Variants in COL5A3 observed in about 807,000 individuals in gnomAD.
The protein encoded by COL5A3 is collagen alpha-3(V) chain.
COL5A3 carries 172 observed loss-of-function variants against 250.0 expected under a neutral mutation model. The observed-to-expected ratio is 0.69, with a 90% CI of 0.61 to 0.78. The LOEUF is 0.78. Among genes scored for constraint, COL5A3 ranks in the 30% least tolerant of loss-of-function variants. The pLI, the probability that COL5A3 is intolerant of heterozygous loss-of-function variation, is 0.00. For missense variants in COL5A3, 2,340 were observed against 2,334.4 expected (o/e 1.00, Z -0.05); for synonymous variants, 937 against 900.4 (o/e 1.04, Z -0.73).
rs202016864 is a variant in COL5A3 at position 9,960,541 on chromosome 19, G to C, written c.5108C>G (p.Thr1703Arg). 1 of 1,614,160 alleles carries C rather than the reference G, an allele frequency of 6.2e-7. No individual in the cohort carries two copies. Among genetic ancestry groups the C allele is most frequent in the Non-Finnish European group, 8.5e-7 (1 of 1,180,030 alleles). Reference protein sequence around the residue: ...QDGCRLRKGQTKTLFEFSSSR... With the variant: ...QDGCRLRKGQRKTLFEFSSSR... ...AGAGCTGAATTCGAAAAGGGTCTTC[G>C]TCTGTCCTTTCCGGAGCTGTCCCCA... Residue 1703 changes from threonine to arginine, a missense_variant, in exon 67 of 67, where the codon ACG (threonine) becomes AGG (arginine). Around this residue, in one of 3 missense-constraint regions of COL5A3, gnomAD observed 1,179 missense variants for 1,162.6 expected, o/e 1.01. Transcript: ENST00000264828.
At position 10,001,784 on chromosome 19, in the gene COL5A3, T is replaced by C; in HGVS notation, c.947A>G (p.Asn316Ser). The change falls in exon 7 of 67, where the codon AAT becomes AGT. Residue 316 changes from asparagine (N) to serine (S), a missense_variant. By Grantham distance (46) the Asn-to-Ser change is conservative. Transcript: ENST00000264828. ...CCATCCAACCTCTAGGATCGTGGCA[T>C]TGAGTCCAGTAGTCACAGTGGAGGT... ...VVTSTVTTGL[N>S]ATILERSLDP... 1.9e-6 allele frequency: 3 copies of C among 1,614,104 alleles called. No individual in the cohort carries two copies. The highest frequency in any genetic ancestry group is 1.1e-5 in the South Asian group (1 of 91,066).
At chr19:9,967,321 A>G in intron 62 of COL5A3, 26 bp downstream of exon 62, 1 of 1,407,094 alleles carries the variant, frequency 7.1e-7, no homozygotes, top group Non-Finnish European at 9.2e-7. Context: ...TTTGGTGTCC[A>G]TTCCCCCGCC....
intron 65 of COL5A3, 35 bp downstream of exon 65, chr19:9,962,784 T>G (rs765421530): frequency 1.3e-6 from 2 of 1,558,766 alleles, no homozygotes; most frequent in Admixed American, 1.7e-5. Flanking sequence ...CCATCAATTT[T>G]CATGTCACTC....
rs371310005 is a variant in COL5A3, at chr19:9,960,811, C to T, written c.4931G>A (p.Arg1644His). The part of the protein sequence containing the change: ...NFLKLLSATA[R>H]QNFTYSCQNA... ...CTGGCAGGAGTAGGTGAAGTTCTGG[C>T]GAGCTGTGGCACTCAGCAGTTTCAG... is the stretch of plus-strand genomic sequence containing the variant. Residue 1644 changes from arginine (R) to histidine (H), a missense_variant, in exon 66 of 67, where the codon CGC becomes CAC. Arg to His is a conservative substitution (Grantham distance 29, BLOSUM62 0). This residue lies in a region of COL5A3 where 1,179 missense variants were observed against 1,162.6 expected (regional missense o/e 1.01). Coordinates refer to ENST00000264828, the MANE Select transcript of COL5A3 (RefSeq NM_015719.4). 2.6e-5 allele frequency: 42 copies of T among 1,613,506 alleles called. No individual in the cohort carries two copies. Among genetic ancestry groups the T allele is most frequent in the African/African-American group, 1.2e-4 (9 of 74,914 alleles).
At chr19:9,993,732 A>C (rs2087230464) in intron 17 of COL5A3, 21 bp downstream of exon 17, 2 of 1,613,950 alleles carry the variant, frequency 1.2e-6, no homozygotes, top group Non-Finnish European at 1.7e-6. Context: ...ACCAAGTCTT[A>C]TCTCAGCCCC....
rs1221352558 is a variant in COL5A3, at chr19:10,005,349, CA to C, written c.594+208del. Reference sequence around the variant, plus strand: ...TGGGTGACAGAGCAAGGCTCCATCTCAAAAAAAAAAAAAAATTATTGTCTTG... The same window carrying C: ...TGGGTGACAGAGCAAGGCTCCATCTCAAAAAAAAAAAAAATTATTGTCTTG... On this transcript the variant is annotated intron_variant, in intron 4 of 66. Coordinates refer to ENST00000264828, the MANE Select transcript of COL5A3 (RefSeq NM_015719.4). Among the ~76,000 whole-genome samples the C allele has an allele frequency of 2.8e-3, 363 of 131,324 alleles. 1 individual carries two copies. Among genetic ancestry groups the C allele is most frequent in the Admixed American group, 5.5e-3 (72 of 13,122 alleles). 86.2% of individuals were successfully genotyped at this position (131,324 alleles called of 152,430 possible).
At position 9,995,563 on chromosome 19, in the gene COL5A3, C is replaced by T; in HGVS notation, c.1587+1G>A. 6.2e-7 allele frequency: 1 copy of T among 1,607,424 alleles called. No homozygotes were observed. The highest frequency in any genetic ancestry group is 1.3e-5 in the African/African-American group (1 of 74,838). On this transcript the variant is annotated splice_donor_variant, in intron 16 of 66. Transcript: ENST00000264828. LOFTEE classifies it high-confidence loss of function. ...GGTCTGGGGACCTAGCTGTCACTCA[C>T]CATCTTGCCCACTCGGCCAGGGGGT...
rs141877141 is a variant in COL5A3, at chr19:9,986,598, G to A, written c.2199C>T (p.Asp733=). 22 of 1,613,612 alleles carry A rather than the reference G, an allele frequency of 1.4e-5. No homozygotes were observed. The highest frequency in any genetic ancestry group is 1.1e-4 in the African/African-American group (8 of 74,712). Reference sequence around the variant, plus strand: ...CATCGCCCTTGAAGCCTGGGAAGCCGTCCTCTCCCTGGGTGGGAGAGACAG... The same window carrying A: ...CATCGCCCTTGAAGCCTGGGAAGCCATCCTCTCCCTGGGTGGGAGAGACAG... The part of the protein sequence containing the change: ...LQGEKGEKGE[D]GFPGFKGDVG... The change falls in exon 29 of 67, where the codon GAC becomes GAT. Residue 733 remains aspartate (D), a synonymous_variant. Coordinates refer to ENST00000264828, the MANE Select transcript of COL5A3 (RefSeq NM_015719.4).
intron 35 of COL5A3, 114 bp downstream of exon 35, chr19:9,980,534 G>A (rs2086993139): frequency 2.8e-6 from 4 of 1,441,276 alleles, no homozygotes; most frequent in Non-Finnish European, 3.8e-6. Flanking sequence ...ATTAAGCTGT[G>A]CTCTTACCAC....
In COL5A3 at chr19:9,967,398, C is replaced by A; in HGVS notation, c.4407G>T (p.Gly1469=). Reference sequence around the variant, plus strand: ...CAGTGTCTCCACGGGGGCCCATGGACCCCTGTAGGGAGAAGTCACTTGGAG... The same window carrying A: ...CAGTGTCTCCACGGGGGCCCATGGAACCCTGTAGGGAGAAGTCACTTGGAG... ...LGQKGSKGSP[G]SMGPRGDTGP... The change falls in exon 62 of 67, where the codon GGG becomes GGT. Residue 1469 remains glycine (G), a splice_region_variant and synonymous_variant. Transcript: ENST00000264828. 1 of 1,491,348 alleles carries A rather than the reference C, an allele frequency of 6.7e-7. No individual in the cohort carries two copies. Among genetic ancestry groups the A allele is most frequent in the Non-Finnish European group, 8.8e-7 (1 of 1,130,022 alleles). The allele number at this position is 1,491,348 out of a possible 1,614,324, so 92.4% of individuals were successfully genotyped here. A position where few individuals can be genotyped will look rare whatever the true frequency, so the allele number is the denominator to read the frequency against.
At chr19:10,004,296 C>T (rs2087408456) in intron 4 of COL5A3, 151 bp from the exon 5 acceptor site, 6 of 629,466 alleles carry the variant, frequency 9.5e-6, no homozygotes, top group South Asian at 7.4e-5. Context: ...GAAGAGATGA[C>T]CCCATCACAG....
Position 9,982,096 on chromosome 19 carries a change from G to C in COL5A3, c.2429C>G (p.Pro810Arg), listed in dbSNP as rs578006936. The change falls in exon 32 of 67, where the codon CCC becomes CGC. Residue 810 changes from proline to arginine, a missense_variant. Around this residue, in one of 3 missense-constraint regions of COL5A3, gnomAD observed 1,152 missense variants for 1,146.3 expected, o/e 1.00. Transcript: ENST00000264828. ...GPKGSIGFPG[P>R]LGPIGEKGKS... ...CCCTTTCTCTCCTATGGGTCCCAGG[G>C]GACCGGGAAATCCAATAGATCCCTG... 1 of 1,606,366 alleles carries C rather than the reference G, an allele frequency of 6.2e-7. No individual in the cohort carries two copies. The highest frequency in any genetic ancestry group is 1.1e-5 in the South Asian group (1 of 90,222).
At chr19:9,988,972 C>A in intron 27 of COL5A3, 152 bp downstream of exon 27, 1 of 751,830 alleles carries the variant, frequency 1.3e-6, no homozygotes. Flanking sequence ...TAAGGCTGTC[C>A]TTGGCTGTGC....
Position 9,978,728 on chromosome 19 carries a change from C to T in COL5A3, c.2965-101G>A, listed in dbSNP as rs1252790120. ...CACAGTCCCCACCTCTCTCCTGGGA[C>T]TGGACACTGAGCTTTGAGGGGTCTG... On this transcript the variant is annotated intron_variant, in intron 40 of 66. Coordinates refer to ENST00000264828, the MANE Select transcript of COL5A3 (RefSeq NM_015719.4). 30 of 966,814 alleles carry T rather than the reference C, an allele frequency of 3.1e-5. No homozygotes were observed. In the South Asian group the frequency reaches 4.2e-4, roughly 14 times the overall value. 59.9% of individuals were successfully genotyped at this position (966,814 alleles called of 1,614,324 possible).
intron 24 of COL5A3, 78 bp downstream of exon 24, chr19:9,991,532 T>G: frequency 2.4e-6 from 3 of 1,245,652 alleles, no homozygotes; most frequent in Non-Finnish European, 3.4e-6. Context: ...AGAGGGGTCT[T>G]GGTGGGAAGA....
intron 32 of COL5A3, among the ~76,000 whole-genome samples, chr19:9,981,767 G>A (rs542915294): frequency 6.6e-5 from 10 of 152,334 alleles, no homozygotes; most frequent in African/African-American, 1.7e-4. Flanking sequence ...CAAAGTGCAC[G>A]CAGATTCATG....
Position 9,971,047 on chromosome 19 carries a change from G to A in COL5A3, c.3829-19C>T, listed in dbSNP as rs370472455. 1.3e-6 allele frequency: 2 copies of A among 1,504,624 alleles called. No individual in the cohort carries two copies. The highest frequency in any genetic ancestry group is 1.8e-6 in the Non-Finnish European group (2 of 1,130,550). The allele number at this position is 1,504,624 out of a possible 1,614,324, so 93.2% of individuals were successfully genotyped here. On this transcript the variant is annotated intron_variant, in intron 52 of 66. Transcript: ENST00000264828. The stretch of plus-strand genomic sequence containing the variant: ...CTATGCCCTGCATGGGGGGAAGACA[G>A]AGTTGGGAGGGGTGATGAGGGTACG...
At chr19:9,967,523 A>C in intron 61 of COL5A3, 123 bp from the exon 62 acceptor site, 1 of 713,422 alleles carries the variant, frequency 1.4e-6, no homozygotes, top group Non-Finnish European at 2.3e-6. Flanking sequence ...ACACACTCAC[A>C]TACACACTCA....
intron 8 of COL5A3, 72 bp from the exon 9 acceptor site, chr19:9,998,221 C>T: frequency 7.1e-7 from 1 of 1,407,050 alleles, no homozygotes; most frequent in Non-Finnish European, 9.7e-7. Context: ...GTTATCTGAT[C>T]ACACACACTT....
Sources: gnomAD v4.1 joint callset for allele counts (sites outside exome capture counted in the v4.1 genomes callset) on GRCh38, gnomAD v4.1.1 for gene constraint, gnomAD v4.1.1 regional missense constraint, MANE v1.5 for transcripts, NCBI Gene and HGNC (gene_info 2026-07-23, HGNC 2026-07-21) for gene names.